The following NAV2 variants were observed in gnomAD, a reference collection of about 807,000 sequenced individuals.
NAV2 encodes helicase, APC down-regulated 1.
NAV2 carries 54 observed loss-of-function variants against 223.2 expected under a neutral mutation model. The ratio of observed to expected loss-of-function variants is 0.24; its 90% CI spans 0.19 to 0.30. The LOEUF is 0.30. NAV2 is among the 10% of genes least tolerant of loss of function. The pLI is 1.00. For missense variants in NAV2, 2,806 were observed against 3,147.5 expected (o/e 0.89, Z 2.60); for synonymous variants, 1,279 against 1,239.3 (o/e 1.03, Z -0.67).
chr11:19,587,843 A>G (rs112399328), intron 1 of NAV2, among the ~76,000 whole-genome samples: 1 of 152,256 alleles, frequency 6.6e-6, no homozygotes, highest in African/African-American at 2.4e-5. Context: ...TCTCATCCAC[A>G]TTTTAGTCCA....
chr11:19,828,005 C>T (rs528002346), intron 1 of NAV2, among the ~76,000 whole-genome samples: 171 of 152,068 alleles, frequency 1.1e-3, no homozygotes, highest in Non-Finnish European at 1.8e-3. Context: ...ATGAGCTGGG[C>T]GTGATGGCAC....
intron 1 of NAV2, among the ~76,000 whole-genome samples, chr11:19,691,718 T>C (rs1243847418): frequency 1.3e-5 from 2 of 152,176 alleles, no homozygotes; most frequent in Admixed American, 1.3e-4. Flanking sequence ...CACTGTGGCA[T>C]GCTCTTCCCA....
At chr11:19,798,379 T>C (rs529371457) in intron 1 of NAV2, among the ~76,000 whole-genome samples, 1 of 152,328 alleles carries the variant, frequency 6.6e-6, no homozygotes, top group East Asian at 1.9e-4. Flanking sequence ...CTTATCTAGA[T>C]GACATTTGGA....
At chr11:19,632,165 G>A (rs1484361483) in intron 1 of NAV2, among the ~76,000 whole-genome samples, 1 of 152,224 alleles carries the variant, frequency 6.6e-6, no homozygotes, top group African/African-American at 2.4e-5. Context: ...GCCTGGCACA[G>A]GGATCAGTGA....
At chr11:19,585,732 T>G (rs945629272) in intron 1 of NAV2, among the ~76,000 whole-genome samples, 2 of 152,214 alleles carry the variant, frequency 1.3e-5, no homozygotes, top group African/African-American at 4.8e-5. Flanking sequence ...GCTTGTAGAG[T>G]TTCTACTAAG....
intron 11 of NAV2, among the ~76,000 whole-genome samples, chr11:20,010,196 C>T (rs1213527989): frequency 1.3e-5 from 2 of 152,074 alleles, no homozygotes; most frequent in African/African-American, 2.4e-5. Context: ...TAAGACTTCT[C>T]ATCCTGACCC....
chr11:19,937,357 C>A (rs999210832), intron 7 of NAV2, among the ~76,000 whole-genome samples: 1 of 151,244 alleles, frequency 6.6e-6, no homozygotes, highest in Non-Finnish European at 1.5e-5. Flanking sequence ...TTGCTCCCCC[C>A]CCGCCCACCA....
intron 7 of NAV2, 54 bp downstream of exon 7, chr11:19,934,331 A>G (rs2045653709): frequency 6.6e-7 from 1 of 1,507,092 alleles, no homozygotes; most frequent in African/African-American, 1.4e-5. Flanking sequence ...AAGTTCCTTT[A>G]TAGTGGATTC....
chr11:19,822,285 C>T (rs1485966554), intron 1 of NAV2, among the ~76,000 whole-genome samples: 2 of 152,184 alleles, frequency 1.3e-5, no homozygotes, highest in Admixed American at 6.5e-5. Context: ...ATGCTTGGAG[C>T]ATGTTTGGAA....
chr11:19,549,639 G>T (rs1338914993), intron 1 of NAV2, among the ~76,000 whole-genome samples: 1 of 152,246 alleles, frequency 6.6e-6, no homozygotes, highest in Admixed American at 6.5e-5. Flanking sequence ...CAGCTCAGAA[G>T]GCTGCCTGCC....
chr11:19,589,156 T>G (rs1207095738), intron 1 of NAV2, among the ~76,000 whole-genome samples: 1 of 152,232 alleles, frequency 6.6e-6, no homozygotes, highest in Non-Finnish European at 1.5e-5. Flanking sequence ...GTCCTGTATT[T>G]CTTGGATCCT....
intron 2 of NAV2, among the ~76,000 whole-genome samples, chr11:19,832,980 A>T (rs142218324): frequency 6.6e-6 from 1 of 152,192 alleles, no homozygotes; most frequent in African/African-American, 2.4e-5. Context: ...CCAAAAAAAA[A>T]GTAACGTGGG....
At chr11:19,440,507 G>A (rs997313439) in intron 1 of NAV2, among the ~76,000 whole-genome samples, 1 of 152,128 alleles carries the variant, frequency 6.6e-6, no homozygotes, top group Non-Finnish European at 1.5e-5. Context: ...GTAAGGAGAG[G>A]GGCTAGGTTA....
At chr11:19,469,549 C>T (rs1207895367) in intron 1 of NAV2, among the ~76,000 whole-genome samples, 1 of 152,220 alleles carries the variant, frequency 6.6e-6, no homozygotes, top group African/African-American at 2.4e-5. Flanking sequence ...TCAGCCTTCA[C>T]CCTCCTGAAT....
chr11:20,072,654 C>G (rs2059476792), intron 22 of NAV2, among the ~76,000 whole-genome samples: 1 of 152,064 alleles, frequency 6.6e-6, no homozygotes, highest in Non-Finnish European at 1.5e-5. Context: ...CCTTCACGTC[C>G]CTTGTAAGTT....
intron 20 of NAV2, among the ~76,000 whole-genome samples, chr11:20,064,970 C>T (rs1178841956): frequency 6.6e-6 from 1 of 152,058 alleles, no homozygotes; most frequent in African/African-American, 2.4e-5. Context: ...GTCATGGAGT[C>T]AAAGGCTCCC....
chr11:19,505,395 A>G (rs1250973150), intron 1 of NAV2: 1 of 152,244 alleles, frequency 6.6e-6, no homozygotes, highest in Non-Finnish European at 1.5e-5. Flanking sequence ...AGCTGTAGAC[A>G]CTGCATATGT....
rs796800924 is a variant in NAV2 at position 19,618,393 on chromosome 11, G to GATGGATGGATGGATGGATGA, written c.76-214088_76-214087insGATGGATGGATGGATGAATG. ...GGATGGATGGATGGATGGATGGATG[G>GATGGATGGATGGATGGATGA]ATGAATAGATGGATGGATGGATGGA... On this transcript the variant is annotated intron_variant, in intron 1 of 37. Coordinates refer to the NAV2 transcript ENST00000360655. Among the ~76,000 whole-genome samples, 130 of 19,744 alleles carry GATGGATGGATGGATGGATGA rather than the reference G, an allele frequency of 6.6e-3. 3 individuals carry two copies. Among genetic ancestry groups the GATGGATGGATGGATGGATGA allele is most frequent in the Admixed American group, 0.059 (86 of 1,448 alleles). The allele number at this position is 19,744 out of a possible 152,430, so 13.0% of individuals were successfully genotyped here. A position where few individuals can be genotyped will look rare whatever the true frequency, so the allele number is the denominator to read the frequency against.
intron 1 of NAV2, among the ~76,000 whole-genome samples, chr11:19,368,946 T>C (rs1352483172): frequency 6.6e-6 from 1 of 152,230 alleles, no homozygotes; most frequent in Non-Finnish European, 1.5e-5. Context: ...TAACAAAGTA[T>C]ACAGACACAC....
Sources: gnomAD v4.1 joint callset for allele counts (sites outside exome capture counted in the v4.1 genomes callset) on GRCh38, gnomAD v4.1.1 for gene constraint, MANE v1.5 for transcripts, NCBI Gene and HGNC (gene_info 2026-07-23, HGNC 2026-07-21) for gene names.